DDHD2: variants seen among roughly 807,000 people sequenced by gnomAD.
DDHD2 encodes DDHD domain containing 2, also known as triacylglycerol hydrolase DDHD2.
DDHD2 carries 62 observed loss-of-function variants against 91.2 expected under a neutral mutation model. The ratio of observed to expected loss-of-function variants is 0.68; its 90% CI spans 0.55 to 0.84. The LOEUF (loss-of-function observed/expected upper bound fraction) is 0.84, where lower values mean the gene tolerates loss of function less well. Among genes scored for constraint, DDHD2 ranks in the 40% least tolerant of loss-of-function variants. The pLI is 0.00. For synonymous variants in DDHD2, 271 were observed against 293.9 expected (o/e 0.92, Z 0.80); for missense variants, 740 against 846.9 (o/e 0.87, Z 1.57).
intron 11 of DDHD2, chr8:38,251,025 T>A (rs1482982332): frequency 6.6e-6 from 1 of 152,190 alleles, no homozygotes; most frequent in African/African-American, 2.4e-5. Context: ...GTCACTGAAT[T>A]TCTAACTCCA....
downstream of DDHD2, chr8:38,264,738 AT>A: frequency 6.9e-7 from 1 of 1,445,982 alleles, no homozygotes; most frequent in South Asian, 1.5e-5. Flanking sequence ...CAGACTTATG[AT>A]TTCTAAATAA....
At position 38,233,118 on chromosome 8, in the gene DDHD2, C is replaced by T. The variant is rs903117028; in HGVS notation, c.124C>T (p.Pro42Ser). ...DAGSLYEPVS[P>S]HWFYCKIIDS... ...TGGCAGCTTGTATGAACCAGTTTCT[C>T]CCCATTGGTTTTATTGTAAGATAAT... is the stretch of plus-strand genomic sequence containing the variant. The change falls in exon 2 of 18, where the codon CCC (proline) becomes TCC (serine). Residue 42 changes from proline to serine, a missense_variant. By Grantham distance (74) the Pro-to-Ser change is moderately conservative (BLOSUM62 -1). This residue lies in a region of DDHD2 where 693 missense variants were observed against 764.2 expected (regional missense o/e 0.91). Transcript: ENST00000397166. 7.4e-6 allele frequency: 12 copies of T among 1,613,888 alleles called. No individual in the cohort carries two copies. In the African/African-American group the frequency reaches 1.6e-4, roughly 22 times the overall value.
At chr8:38,248,460 A>G (rs920241248) in intron 10 of DDHD2, among the ~76,000 whole-genome samples, 8 of 150,860 alleles carry the variant, frequency 5.3e-5, no homozygotes, top group Admixed American at 1.3e-4. Context: ...AATGCTTACT[A>G]TACCAAGTAC....
intron 16 of DDHD2, among the ~76,000 whole-genome samples, chr8:38,254,275 C>T (rs1168903076): frequency 6.6e-6 from 1 of 152,082 alleles, no homozygotes; most frequent in African/African-American, 2.4e-5. Flanking sequence ...GTCTTTTGGC[C>T]ATTTAGGTGC....
intron 1 of DDHD2, chr8:38,270,371 G>A (rs746650454): frequency 3.3e-5 from 5 of 152,170 alleles, no homozygotes; most frequent in African/African-American, 4.8e-5. Context: ...TGTGTTTGTT[G>A]TGCAATATCA....
intron 3 of DDHD2, 112 bp downstream of exon 3, chr8:38,234,696 C>A: frequency 1.2e-6 from 1 of 812,412 alleles, no homozygotes; most frequent in Non-Finnish European, 1.9e-6. Context: ...GTTCTGTCTG[C>A]ATCACATTAT....
intron 5 of DDHD2, chr8:38,238,595 G>A: frequency 9.8e-7 from 1 of 1,016,546 alleles, no homozygotes; most frequent in Non-Finnish European, 1.2e-6. Context: ...ATTATGCACT[G>A]CTATCTAGGT....
intron 1 of DDHD2, chr8:38,270,592 A>G (rs1269922432): frequency 1.3e-5 from 2 of 152,250 alleles, no homozygotes; most frequent in Admixed American, 6.5e-5. Context: ...CTAAACTGAC[A>G]AGAATACCTT....
intron 2 of DDHD2, among the ~76,000 whole-genome samples, chr8:38,234,112 TTA>T (rs1214896731): frequency 2.0e-5 from 3 of 152,118 alleles, no homozygotes; most frequent in Non-Finnish European, 4.4e-5. Context: ...AAAAATCACA[TTA>T]TATAATTTTT....
At chr8:38,263,295 T>C, downstream of DDHD2, 1 of 723,688 alleles carries the variant, frequency 1.4e-6, no homozygotes, top group Non-Finnish European at 1.7e-6. Context: ...GTTCCTTATA[T>C]TCCATTGTGA....
At chr8:38,267,138 C>G (rs1807746292), downstream of DDHD2, 12 of 1,554,920 alleles carry the variant, frequency 7.7e-6, no homozygotes, top group South Asian at 1.3e-4. Flanking sequence ...TGTGGAGTTA[C>G]TAAAGAAGGG....
At chr8:38,250,340 T>G (rs577601415) in intron 11 of DDHD2, 1 of 152,250 alleles carries the variant, frequency 6.6e-6, no homozygotes, top group Non-Finnish European at 1.5e-5. Context: ...CTCGGCTCAC[T>G]GCAACCTCCA....
intron 9 of DDHD2, 93 bp from the exon 10 acceptor site, chr8:38,247,620 G>A (rs1805750318): frequency 1.3e-6 from 1 of 762,882 alleles, no homozygotes; most frequent in Middle Eastern, 4.3e-4. Context: ...AAGATACATT[G>A]CTGTGGAAAT....
At chr8:38,264,950 C>T (rs1807350901), downstream of DDHD2, 1 of 1,601,016 alleles carries the variant, frequency 6.2e-7, no homozygotes, top group Non-Finnish European at 8.6e-7. Context: ...TTAAAGGGTC[C>T]TAGAGGAAGG....
At chr8:38,269,362 A>G (rs1016487739) in intron 1 of DDHD2, 2 of 722,404 alleles carry the variant, frequency 2.8e-6, no homozygotes, top group African/African-American at 3.8e-5. Flanking sequence ...GGCAAAGGGT[A>G]CGCAAAGCCA....
At chr8:38,238,238 C>T (rs773297435) in intron 5 of DDHD2, 29 bp downstream of exon 5, 1 of 1,611,834 alleles carries the variant, frequency 6.2e-7, no homozygotes, top group Admixed American at 1.7e-5. Flanking sequence ...TTTTTCTTAC[C>T]TTTGGATGTA....
intron 9 of DDHD2, among the ~76,000 whole-genome samples, chr8:38,246,651 G>A (rs1230778990): frequency 6.6e-6 from 1 of 152,194 alleles, no homozygotes; most frequent in African/African-American, 2.4e-5. Flanking sequence ...AGACCAGCTT[G>A]GCCAACATGG....
At position 38,247,823 on chromosome 8, in the gene DDHD2, TAAGG is replaced by T. The variant is rs1805766734; in HGVS notation, c.1240_1243del (p.Glu414LeufsTer13). Reference sequence around the variant, plus strand: ...ATATCTTTGAGAAGGAGAAAGTAGATAAGGAAGCTCTGGTAAAAATAATCTTTTA... The same window carrying T: ...ATATCTTTGAGAAGGAGAAAGTAGATAAGCTCTGGTAAAAATAATCTTTTA... On this transcript the variant is annotated frameshift_variant, in exon 10 of 18. Coordinates refer to ENST00000397166, the MANE Select transcript of DDHD2 (RefSeq NM_015214.3). LOFTEE classifies it high-confidence loss of function. The T allele has an allele frequency of 6.4e-7, 1 of 1,564,536 alleles. No individual in the cohort carries two copies. Among genetic ancestry groups the T allele is most frequent in the Non-Finnish European group, 8.6e-7 (1 of 1,163,128 alleles).
chr8:38,249,949 C>T (rs892679570), intron 11 of DDHD2, 146 bp downstream of exon 11: 1 of 469,924 alleles, frequency 2.1e-6, no homozygotes, highest in Non-Finnish European at 3.9e-6. Context: ...CAGGGTCTCG[C>T]TCTGTCACTC....
Sources: allele counts gnomAD v4.1 joint callset (sites outside exome capture counted in the v4.1 genomes callset), GRCh38; gene constraint gnomAD v4.1.1; regional missense constraint gnomAD v4.1.1; transcripts MANE v1.5; gene names NCBI Gene and HGNC (gene_info 2026-07-23, HGNC 2026-07-21).